Variants in RGS6 observed in about 807,000 individuals in gnomAD.
The protein encoded by RGS6 is regulator of G protein signaling 6, also known as regulator of G-protein signaling 6.
RGS6 carries 30 observed loss-of-function variants against 78.5 expected under a neutral mutation model. That is an observed-to-expected ratio of 0.38 (90% CI 0.29 to 0.52). The LOEUF (loss-of-function observed/expected upper bound fraction) is 0.52, where lower values mean the gene tolerates loss of function less well. Ranked by LOEUF, RGS6 falls within the 20% of genes least tolerant of loss-of-function variation. The probability of loss-of-function intolerance (pLI) is 0.85; values close to 1 mark genes in which losing one functional copy is unlikely to be tolerated. For missense variants in RGS6, 495 were observed against 609.7 expected, an observed-to-expected ratio of 0.81 and a Z score of 1.98; for synonymous variants, 206 against 206.0, an observed-to-expected ratio of 1.00 and a Z score of 0.00.
intron 15 of RGS6, among the ~76,000 whole-genome samples, chr14:72,520,898 G>A (rs550619369): frequency 6.6e-6 from 1 of 152,284 alleles, no homozygotes; most frequent in African/African-American, 2.4e-5. Context: ...CAAATAGCAG[G>A]GAAGCTAAGA....
chr14:71,979,427 T>G (rs1443219999), intron 2 of RGS6, among the ~76,000 whole-genome samples: 1 of 151,338 alleles, frequency 6.6e-6, no homozygotes, highest in Non-Finnish European at 1.5e-5. Flanking sequence ...CTCTACACAC[T>G]GCTTTGAATG....
chr14:72,400,857 C>T (rs573665658), intron 3 of RGS6, among the ~76,000 whole-genome samples: 56 of 152,278 alleles, frequency 3.7e-4, no homozygotes, highest in African/African-American at 1.3e-3. Flanking sequence ...AGGAGAAGCT[C>T]GGTCTTTTCC....
chr14:72,288,433 A>G (rs750349956), intron 2 of RGS6, among the ~76,000 whole-genome samples: 1 of 152,228 alleles, frequency 6.6e-6, no homozygotes, highest in Non-Finnish European at 1.5e-5. Flanking sequence ...ATACTAGGAC[A>G]GTTTGGCTAG....
At chr14:72,116,059 A>G (rs2095877420) in intron 2 of RGS6, among the ~76,000 whole-genome samples, 2 of 152,230 alleles carry the variant, frequency 1.3e-5, no homozygotes, top group African/African-American at 4.8e-5. Flanking sequence ...GCATTATTTG[A>G]GACTAAGCAG....
At chr14:72,188,969 A>C (rs2097288141) in intron 2 of RGS6, among the ~76,000 whole-genome samples, 1 of 152,256 alleles carries the variant, frequency 6.6e-6, no homozygotes, top group Non-Finnish European at 1.5e-5. Flanking sequence ...ATTATTCAAT[A>C]GAACGAGGTG....
chr14:72,605,835 T>C, the RGS6 span, among the ~76,000 whole-genome samples: 315 of 152,338 alleles, frequency 2.1e-3, no homozygotes, highest in African/African-American at 6.9e-3. Flanking sequence ...CCTCCCATCA[T>C]CACTCTGCAC....
intron 2 of RGS6, among the ~76,000 whole-genome samples, chr14:72,321,633 T>C (rs1351558810): frequency 2.0e-5 from 3 of 152,040 alleles, no homozygotes; most frequent in Non-Finnish European, 4.4e-5. Flanking sequence ...TGATAAGATG[T>C]ATCATTCACA....
At chr14:71,959,043 G>A (rs1322977553) in intron 1 of RGS6, among the ~76,000 whole-genome samples, 1 of 152,122 alleles carries the variant, frequency 6.6e-6, no homozygotes, top group Non-Finnish European at 1.5e-5. Flanking sequence ...TGGCCTTTAG[G>A]GGTTGAGTGC....
intron 2 of RGS6, among the ~76,000 whole-genome samples, chr14:72,299,467 A>T (rs1378413754): frequency 2.6e-5 from 4 of 152,266 alleles, no homozygotes; most frequent in Admixed American, 1.3e-4. Context: ...GTGTGAACAC[A>T]CATTTTTATT....
the RGS6 span, among the ~76,000 whole-genome samples, chr14:72,600,430 A>G: frequency 2.0e-5 from 3 of 151,910 alleles, no homozygotes; most frequent in Non-Finnish European, 2.9e-5. Context: ...ATGGCAGTGA[A>G]CTAGCCTGGG....
chr14:72,010,470 A>C (rs575934233), intron 2 of RGS6, among the ~76,000 whole-genome samples: 1 of 152,324 alleles, frequency 6.6e-6, no homozygotes, highest in Non-Finnish European at 1.5e-5. Context: ...ACAGTTAAAA[A>C]TTATTTTAAT....
intron 3 of RGS6, among the ~76,000 whole-genome samples, chr14:72,438,027 A>AT (rs955806563): frequency 2.6e-5 from 4 of 152,070 alleles, no homozygotes; most frequent in Admixed American, 6.5e-5. Flanking sequence ...GTCGGTGTAG[A>AT]TTTTTTTGTG....
chr14:72,028,659 A>G (rs111678566), intron 2 of RGS6, among the ~76,000 whole-genome samples: 445 of 152,334 alleles, frequency 2.9e-3, no homozygotes, highest in African/African-American at 0.01. Context: ...ACCTTATTCT[A>G]AGGCTGCGTC....
chr14:72,459,958 G>A (rs2095736567), intron 6 of RGS6, among the ~76,000 whole-genome samples: 1 of 152,170 alleles, frequency 6.6e-6, no homozygotes, highest in Non-Finnish European at 1.5e-5. Flanking sequence ...TTGGGGCCAT[G>A]GAGAACCAGG....
intron 2 of RGS6, among the ~76,000 whole-genome samples, chr14:72,240,142 C>T (rs2052383398): frequency 1.3e-5 from 2 of 152,196 alleles, no homozygotes; most frequent in African/African-American, 4.8e-5. Flanking sequence ...CCCCCACCCT[C>T]TAACGGTGGC....
Position 72,346,917 on chromosome 14 carries a change from C to T in RGS6, c.85-5178C>T, listed in dbSNP as rs534233298. Among the ~76,000 whole-genome samples, 20 of 152,326 alleles carry T rather than the reference C, an allele frequency of 1.3e-4. No homozygotes were observed. The South Asian group carries it at 3.9e-3, about 30-fold the overall frequency. On this transcript the variant is annotated intron_variant, in intron 2 of 17. Coordinates refer to ENST00000553525, the MANE Select transcript of RGS6 (RefSeq NM_001204424.2). ...TATTTCCCATTTAAAAGAAAACCCA[C>T]TCTATGGCATAATGGTTTCCAGTGT... is the stretch of plus-strand genomic sequence containing the variant.
intron 12 of RGS6, among the ~76,000 whole-genome samples, chr14:72,484,001 C>T (rs529163776): frequency 6.6e-6 from 1 of 151,776 alleles, no homozygotes; most frequent in African/African-American, 2.4e-5. Flanking sequence ...TAATTAATTG[C>T]TAGGAATCAA....
chr14:72,449,753 G>T (rs2095447853), intron 3 of RGS6, among the ~76,000 whole-genome samples: 1 of 152,164 alleles, frequency 6.6e-6, no homozygotes, highest in African/African-American at 2.4e-5. Context: ...TCGCTCTGAG[G>T]CTCCAGGAGT....
chr14:72,216,822 A>G (rs1281183433), intron 2 of RGS6, among the ~76,000 whole-genome samples: 4 of 152,184 alleles, frequency 2.6e-5, no homozygotes, highest in African/African-American at 7.2e-5. Flanking sequence ...GATGAGACAC[A>G]TAATTTTTAT....
Sources: gnomAD v4.1 joint callset for allele counts (sites outside exome capture counted in the v4.1 genomes callset) on GRCh38, gnomAD v4.1.1 for gene constraint, MANE v1.5 for transcripts, NCBI Gene and HGNC (gene_info 2026-07-23, HGNC 2026-07-21) for gene names.